POP1: variants seen among roughly 807,000 people sequenced by gnomAD.
POP1 encodes the protein ribonucleases P/MRP protein subunit POP1.
Under a neutral mutation model 102.2 loss-of-function variants are expected in POP1, and 75 were observed. The observed-to-expected ratio is 0.73, with a 90% confidence interval of 0.61 to 0.89. The LOEUF (loss-of-function observed/expected upper bound fraction) is 0.89, where lower values mean the gene tolerates loss of function less well. POP1 is among the 40% of genes least tolerant of loss of function. POP1 has a pLI of 0.00. For synonymous variants in POP1, 436 were observed against 464.1 expected (o/e 0.94, Z 0.78); for missense variants, 1,116 against 1,267.4 (o/e 0.88, Z 1.81).
At chr8:98,130,708 A>G (rs888743048) in intron 5 of POP1, among the ~76,000 whole-genome samples, 21 of 152,214 alleles carry the variant, frequency 1.4e-4, no homozygotes, top group Non-Finnish European at 2.8e-4. Context: ...GATCATGTCA[A>G]GTTTTATTCA....
chr8:98,140,140 C>G lies in POP1; in HGVS notation c.1425C>G (p.Asp475Glu). The G allele has an allele frequency of 3.7e-6, 6 of 1,614,116 alleles. No individual in the cohort carries two copies. In the Middle Eastern group the frequency reaches 9.9e-4, roughly 266 times the overall value. ...GGATAGAAACCTGTAAGAAACCTGA[C>G]AGCGTTTCCCTTCATTGCAGACAAG... ...RWWIETCKKPDSVSLHCRQEA... is the reference protein window; with the variant it reads ...RWWIETCKKPESVSLHCRQEA... The change falls in exon 10 of 16, where the codon GAC (aspartate) becomes GAG (glutamate). Residue 475 changes from aspartate to glutamate, a missense_variant. Physicochemically the swap from Asp to Glu is conservative, Grantham distance 45. Transcript: ENST00000401707.
chr8:98,156,154 C>T lies in POP1; in HGVS notation c.2162C>T (p.Ala721Val). The T allele has an allele frequency of 6.2e-7, 1 of 1,614,058 alleles. No individual in the cohort carries two copies. Among genetic ancestry groups the T allele is most frequent in the South Asian group, 1.1e-5 (1 of 91,078 alleles). Residue 721 changes from alanine (A) to valine (V), a missense_variant, in exon 15 of 16, where the codon GCT becomes GTT. Transcript: ENST00000401707. ...CAAGACTGGGAGTCAAGAGTCCAGG[C>T]TTACGAAGAACCTTCTGTAGCTTCA... ...LTQDWESRVQ[A>V]YEEPSVASSP... is the part of the protein sequence containing the mutation.
Position 98,156,186 on chromosome 8 carries a change from A to T in POP1, c.2194A>T (p.Asn732Tyr). The change falls in exon 15 of 16, where the codon AAT (asparagine) becomes TAT (tyrosine). Residue 732 changes from asparagine to tyrosine, a missense_variant. Asn to Tyr is a moderately radical substitution (Grantham distance 143). Transcript: ENST00000401707. ...AGAACCTTCTGTAGCTTCATCTCCA[A>T]ATGGTAAGGAGAGTGACCTAAGAAG... Reference protein sequence around the residue: ...YEEPSVASSPNGKESDLRRSE... With the variant: ...YEEPSVASSPYGKESDLRRSE... 1 of 1,614,094 alleles carries T rather than the reference A, an allele frequency of 6.2e-7. No homozygotes were observed. The highest frequency in any genetic ancestry group is 8.5e-7 in the Non-Finnish European group (1 of 1,180,012).
At chr8:98,137,427 C>T (rs371010846) in intron 9 of POP1, among the ~76,000 whole-genome samples, 2 of 152,074 alleles carry the variant, frequency 1.3e-5, no homozygotes, top group East Asian at 1.9e-4. Flanking sequence ...CTCAGCCCCC[C>T]GAGTAGCTGA....
Position 98,158,019 on chromosome 8 carries a change from A to T in POP1, c.2823A>T (p.Glu941Asp). 6.2e-7 allele frequency: 1 copy of T among 1,611,886 alleles called. No homozygotes were observed. The highest frequency in any genetic ancestry group is 8.5e-7 in the Non-Finnish European group (1 of 1,180,012). Residue 941 changes from glutamate to aspartate, a missense_variant, in exon 16 of 16, where the codon GAA becomes GAT. Physicochemically the swap from Glu to Asp is conservative, Grantham distance 45. Transcript: ENST00000401707. Reference sequence around the variant, plus strand: ...GGGAAGAGCCCGTGGCTGGGCAGGAAGCTCTGACTCTAGGGCTGTGGTCAG... The same window carrying T: ...GGGAAGAGCCCGTGGCTGGGCAGGATGCTCTGACTCTAGGGCTGTGGTCAG... ...PAGEEPVAGQEALTLGLWSGP... is the reference protein window; with the variant it reads ...PAGEEPVAGQDALTLGLWSGP...
chr8:98,138,791 C>T (rs1289345546), intron 9 of POP1, among the ~76,000 whole-genome samples: 1 of 151,774 alleles, frequency 6.6e-6, no homozygotes, highest in Non-Finnish European at 1.5e-5. Flanking sequence ...GTACTGTAAA[C>T]CACTAAGCTG....
rs138011096 is a variant in POP1 at position 98,126,947 on chromosome 8, C to T, written c.143-648C>T. 3.2e-3 allele frequency among the ~76,000 whole-genome samples: 484 copies of T among 152,220 alleles called. 2 individuals are homozygous for T. Among genetic ancestry groups the T allele is most frequent in the African/African-American group, 0.011 (468 of 41,536 alleles). On this transcript the variant is annotated intron_variant, in intron 2 of 15. Transcript: ENST00000401707. ...CCAGTTATTTCAGATGAGGGATACA[C>T]AACCTGTATCTTACTGGGTAGCTTA...
chr8:98,134,056 G>C lies in POP1; in HGVS notation c.823+20G>C, dbSNP rs922686252. The stretch of plus-strand genomic sequence containing the variant: ...ACACAGGTAAACTTGTTTTAAAGCT[G>C]AGTTCTATTTTAGTCTATGTATATT... On this transcript the variant is annotated intron_variant, in intron 6 of 15. Transcript: ENST00000401707. 3.9e-6 allele frequency: 6 copies of C among 1,537,684 alleles called. No individual in the cohort carries two copies. In the African/African-American group the frequency reaches 8.2e-5, roughly 21 times the overall value.
chr8:98,127,228 G>A (rs1448897761), intron 2 of POP1, among the ~76,000 whole-genome samples: 2 of 152,142 alleles, frequency 1.3e-5, no homozygotes, highest in South Asian at 4.1e-4. Context: ...CACCTCGGGG[G>A]TTAGGATTTC....
intron 11 of POP1, 48 bp downstream of exon 11, chr8:98,140,936 C>A: frequency 6.3e-7 from 1 of 1,598,764 alleles, no homozygotes; most frequent in South Asian, 1.1e-5. Flanking sequence ...TTCGAGCAGT[C>A]CAGTCTTATT....
rs369869315 is a variant in POP1 at position 98,123,454 on chromosome 8, A to T, written c.117A>T (p.Glu39Asp). The change falls in exon 2 of 16, where the codon GAA (glutamate) becomes GAT (aspartate). Residue 39 changes from glutamate (E) to aspartate (D), a missense_variant. Coordinates refer to ENST00000401707, the MANE Select transcript of POP1 (RefSeq NM_001145860.2). ...GTGTAAAGCACCACAGTGGAGGTGA[A>T]AAACCTTTCCAAGCTCAAAAACAAG... is the stretch of plus-strand genomic sequence containing the variant. The part of the protein sequence containing the change: ...DRGVKHHSGG[E>D]KPFQAQKQEP... The T allele has an allele frequency of 5.6e-6, 9 of 1,613,864 alleles. No homozygotes were observed. The highest frequency in any genetic ancestry group is 2.7e-5 in the African/African-American group (2 of 74,890).
At chr8:98,150,791 TTAAG>T (rs1222214329) in intron 14 of POP1, 152 bp downstream of exon 14, 3 of 818,336 alleles carry the variant, frequency 3.7e-6, no homozygotes, top group Non-Finnish European at 5.7e-6. Context: ...AAGATATTAC[TTAAG>T]TGAGGAGATT....
chr8:98,128,687 G>A (rs931629855), intron 4 of POP1, 147 bp downstream of exon 4: 2 of 929,510 alleles, frequency 2.2e-6, no homozygotes, highest in African/African-American at 1.6e-5. Context: ...GAGAGGCTGA[G>A]GTGGTCAGAT....
At chr8:98,156,496 T>G (rs1260607708) in intron 15 of POP1, 84 bp downstream of exon 15, 1 of 1,544,804 alleles carries the variant, frequency 6.5e-7, no homozygotes, top group Non-Finnish European at 8.8e-7. Context: ...TTATCACTGT[T>G]TGTTTATGCA....
intron 9 of POP1, among the ~76,000 whole-genome samples, chr8:98,137,909 A>G (rs1209009463): frequency 6.6e-6 from 1 of 152,218 alleles, no homozygotes; most frequent in Non-Finnish European, 1.5e-5. Context: ...TCTTAGTGCA[A>G]TTAACTTTTC....
At chr8:98,146,276 T>G (rs1816840520) in intron 11 of POP1, among the ~76,000 whole-genome samples, 1 of 152,214 alleles carries the variant, frequency 6.6e-6, no homozygotes, top group Non-Finnish European at 1.5e-5. Context: ...TAGAATTTGA[T>G]TATCTTACAT....
At chr8:98,156,785 A>G (rs545821607) in intron 15 of POP1, among the ~76,000 whole-genome samples, 3 of 152,218 alleles carry the variant, frequency 2.0e-5, no homozygotes, top group East Asian at 3.9e-4. Flanking sequence ...GCAACCCATT[A>G]GATGTAATAT....
At chr8:98,118,467 C>T (rs765253276) in intron 1 of POP1, among the ~76,000 whole-genome samples, 3 of 151,938 alleles carry the variant, frequency 2.0e-5, no homozygotes, top group Non-Finnish European at 4.4e-5. Context: ...ACTCTGTCAC[C>T]CTGGCTGGAG....
At position 98,158,098 on chromosome 8, in the gene POP1, A is replaced by T; in HGVS notation, c.2902A>T (p.Thr968Ser). 6.2e-7 allele frequency: 1 copy of T among 1,605,186 alleles called. No homozygotes were observed. Among genetic ancestry groups the T allele is most frequent in the Non-Finnish European group, 8.5e-7 (1 of 1,176,382 alleles). The part of the protein sequence containing the change: ...HCSRTLLGFV[T>S]QGDFSMAVGC... ...CTCCAGAACTCTCCTAGGCTTTGTG[A>T]CTCAGGGAGATTTTTCCATGGCTGT... Residue 968 changes from threonine (T) to serine (S), a missense_variant, in exon 16 of 16, where the codon ACT becomes TCT. Physicochemically the swap from Thr to Ser is moderately conservative, Grantham distance 58 (BLOSUM62 1). Coordinates refer to ENST00000401707, the MANE Select transcript of POP1 (RefSeq NM_001145860.2).
Sources: gnomAD v4.1 joint callset for allele counts (sites outside exome capture counted in the v4.1 genomes callset) on GRCh38, gnomAD v4.1.1 for gene constraint, MANE v1.5 for transcripts, NCBI Gene and HGNC (gene_info 2026-07-23, HGNC 2026-07-21) for gene names.